Variants in ABCA10 observed in about 807,000 individuals in gnomAD.
ABCA10 encodes the protein ATP-binding cassette sub-family A member 10.
ABCA10 carries 169 observed loss-of-function variants against 187.5 expected under a neutral mutation model. The observed-to-expected ratio is 0.90, with a 90% CI of 0.80 to 1.02. ABCA10 has a LOEUF of 1.02. Among genes scored for constraint, ABCA10 ranks in the 50% least tolerant of loss-of-function variants. The pLI is 0.00. For synonymous variants in ABCA10, 574 were observed against 601.8 expected (o/e 0.95, Z 0.68); for missense variants, 1,727 against 1,812.4 (o/e 0.95, Z 0.86).
intron 1 of ABCA10, among the ~76,000 whole-genome samples, chr17:69,237,526 A>G (rs537514674): frequency 2.0e-5 from 3 of 152,156 alleles, no homozygotes; most frequent in Admixed American, 2.0e-4. Context: ...TCCCCCTCCC[A>G]CTTGCATCTT....
At chr17:69,157,122 G>C (rs1241263612) in intron 27 of ABCA10, among the ~76,000 whole-genome samples, 199 bp from the exon 28 acceptor site, 1 of 151,962 alleles carries the variant, frequency 6.6e-6, no homozygotes. Flanking sequence ...CTCCCACTGA[G>C]AAAGAATTAA....
intron 22 of ABCA10, chr17:69,179,094 A>G (rs1402346167): frequency 6.6e-6 from 1 of 152,054 alleles, no homozygotes; most frequent in Non-Finnish European, 1.5e-5. Context: ...AAAGAGCTCT[A>G]TCTGTTGAAC....
At position 69,235,611 on chromosome 17, in the gene ABCA10, G is replaced by C. The variant is rs186803582; in HGVS notation, c.-592-6751C>G. Among the ~76,000 whole-genome samples, 3 of 151,918 alleles carry C rather than the reference G, an allele frequency of 2.0e-5. No homozygotes were observed. In the East Asian group the frequency reaches 5.8e-4, roughly 29 times the overall value. ...GCGGCCTTACCCCACCCCTTTCTGG[G>C]ACCAGAAAGGTATCCCTTTGGCACA... On this transcript the variant is annotated intron_variant, in intron 1 of 39. Coordinates refer to the ABCA10 transcript ENST00000269081.
chr17:69,162,838 C>CATATACATATATATATATATATATATAT (rs375141032), intron 27 of ABCA10, among the ~76,000 whole-genome samples: 2 of 120,838 alleles, frequency 1.7e-5, no homozygotes, highest in African/African-American at 7.4e-5. Flanking sequence ...TATACATATA[C>CATATACATATATATATATATATATATAT]ATATATATAT....
At chr17:69,236,499 A>G (rs2074872173) in intron 1 of ABCA10, among the ~76,000 whole-genome samples, 1 of 152,248 alleles carries the variant, frequency 6.6e-6, no homozygotes, top group Non-Finnish European at 1.5e-5. Context: ...TATTTATTAC[A>G]AGATTAGAAT....
At chr17:69,208,328 G>A (rs2144825869) in intron 9 of ABCA10, among the ~76,000 whole-genome samples, 1 of 148,978 alleles carries the variant, frequency 6.7e-6, no homozygotes, top group South Asian at 2.1e-4. Flanking sequence ...TGAGGCAGGA[G>A]AATGGCGTGA....
At chr17:69,158,959 A>G (rs1008048396) in intron 27 of ABCA10, among the ~76,000 whole-genome samples, 5 of 152,070 alleles carry the variant, frequency 3.3e-5, no homozygotes, top group Admixed American at 6.5e-5. Context: ...TGGCATTGAG[A>G]TAACTAAATG....
intron 11 of ABCA10, among the ~76,000 whole-genome samples, 172 bp downstream of exon 11, chr17:69,196,892 A>C (rs2074508357): frequency 6.6e-6 from 1 of 152,110 alleles, no homozygotes; most frequent in Non-Finnish European, 1.5e-5. Flanking sequence ...ACGCGCCTGC[A>C]ATCCCAGGCA....
At position 69,182,791 on chromosome 17, in the gene ABCA10, G is replaced by C. The variant is rs1021552083; in HGVS notation, c.2515C>G (p.Leu839Val). The C allele has an allele frequency of 6.2e-7, 1 of 1,604,564 alleles. No individual in the cohort carries two copies. The highest frequency in any genetic ancestry group is 1.7e-5 in the Admixed American group (1 of 58,554). ...TCCTGACACTTCAGTGAATGCACGAGGTCTTCAATATTTGATCCTAACATA... is the reference window on the plus strand; with the variant it reads ...TCCTGACACTTCAGTGAATGCACGACGTCTTCAATATTTGATCCTAACATA... ...VNNTGSNIED[L>V]VHSLKCQDIV... Residue 839 changes from leucine to valine, a missense_variant, in exon 21 of 39, where the codon CTC becomes GTC. Transcript: ENST00000690296.
chr17:69,186,533 T>C (rs769444578), intron 19 of ABCA10, among the ~76,000 whole-genome samples: 7 of 152,218 alleles, frequency 4.6e-5, no homozygotes, highest in Non-Finnish European at 7.3e-5. Context: ...TTTTAGCTTC[T>C]GCTCTTTCTA....
intron 5 of ABCA10, among the ~76,000 whole-genome samples, chr17:69,221,058 A>G (rs2074743622): frequency 6.6e-6 from 1 of 152,212 alleles, no homozygotes; most frequent in South Asian, 2.1e-4. Flanking sequence ...TGGGATAGAA[A>G]GAGATGCCTG....
At chr17:69,152,667 G>A (rs191473698) in intron 34 of ABCA10, among the ~76,000 whole-genome samples, 186 bp from the exon 35 acceptor site, 3 of 152,160 alleles carry the variant, frequency 2.0e-5, no homozygotes, top group East Asian at 3.9e-4. Flanking sequence ...CATGCCTGTG[G>A]TCCCAGCTGC....
chr17:69,164,122 G>A lies in ABCA10; in HGVS notation c.3315C>T (p.Asp1105=), dbSNP rs1185724579. 1.3e-6 allele frequency: 2 copies of A among 1,586,816 alleles called. No homozygotes were observed. The highest frequency in any genetic ancestry group is 2.7e-5 in the African/African-American group (2 of 72,810). Residue 1105 remains aspartate, a synonymous_variant, in exon 27 of 39, where the codon GAC becomes GAT. Transcript: ENST00000690296. ...TTTTATTGACTTCATTTATTCTATT[G>A]TCCAGACTGTCCAAGTTTCTCATAA... ...LDFMRNLDSL[D]NRINEVNKTI...
At chr17:69,199,379 A>G (rs12950035) in intron 10 of ABCA10, among the ~76,000 whole-genome samples, 45,950 of 152,116 alleles carry the variant, frequency 0.3, 8,672 homozygotes, top group Non-Finnish European at 0.43. Context: ...TTAATGATGA[A>G]TAAGTTAAAA....
chr17:69,182,114 G>A (rs1262958728), intron 22 of ABCA10, 39 bp downstream of exon 22: 2 of 1,491,818 alleles, frequency 1.3e-6, no homozygotes, highest in South Asian at 1.4e-5. Context: ...TTATCCCTCT[G>A]CTGTGTTGCC....
At chr17:69,162,202 T>C (rs934378451) in intron 27 of ABCA10, among the ~76,000 whole-genome samples, 1 of 152,178 alleles carries the variant, frequency 6.6e-6, no homozygotes, top group African/African-American at 2.4e-5. Flanking sequence ...GGGATCGAGA[T>C]TCTGAAGCAA....
At chr17:69,215,669 TTTG>T (rs1456786202) in intron 8 of ABCA10, 143 bp downstream of exon 8, 9 of 768,384 alleles carry the variant, frequency 1.2e-5, no homozygotes, top group African/African-American at 5.5e-5. Flanking sequence ...ATAAAACTTT[TTTG>T]TTGTTCTTAT....
At chr17:69,151,911 C>A in intron 36 of ABCA10, 132 bp downstream of exon 36, 3 of 1,375,306 alleles carry the variant, frequency 2.2e-6, no homozygotes, top group Non-Finnish European at 2.9e-6. Context: ...TCCTAGCAAT[C>A]CTCAAACAGG....
intron 1 of ABCA10, among the ~76,000 whole-genome samples, chr17:69,236,865 G>C (rs7217016): frequency 0.023 from 3,485 of 152,074 alleles, 123 homozygotes; most frequent in African/African-American, 0.079. Context: ...ACACAGGACA[G>C]TCTCTCACAA....
Sources: gnomAD v4.1 joint callset for allele counts (sites outside exome capture counted in the v4.1 genomes callset) on GRCh38, gnomAD v4.1.1 for gene constraint, MANE v1.5 for transcripts, NCBI Gene and HGNC (gene_info 2026-07-23, HGNC 2026-07-21) for gene names.